ZFR: variants seen among roughly 807,000 people sequenced by gnomAD.
ZFR encodes the protein zinc finger RNA-binding protein.
ZFR carries 19 observed loss-of-function variants against 130.7 expected under a neutral mutation model. The observed-to-expected ratio is 0.15, with a 90% CI of 0.10 to 0.21. The LOEUF is 0.21. Among genes scored for constraint, ZFR ranks in the 10% least tolerant of loss-of-function variants. ZFR has a pLI of 1.00. For missense variants in ZFR, 872 were observed against 1,321.5 expected, an observed-to-expected ratio of 0.66 and a Z score of 5.27; for synonymous variants, 466 against 456.9, an observed-to-expected ratio of 1.02 and a Z score of -0.25.
At chr5:32,443,358 C>T (rs1213659742) in intron 2 of ZFR, among the ~76,000 whole-genome samples, 1 of 152,244 alleles carries the variant, frequency 6.6e-6, no homozygotes, top group Non-Finnish European at 1.5e-5. Context: ...GGGATTTCAT[C>T]CGGTGCATTA....
chr5:32,431,080 A>G (rs1581715664), intron 2 of ZFR, among the ~76,000 whole-genome samples: 1 of 152,234 alleles, frequency 6.6e-6, no homozygotes, highest in East Asian at 1.9e-4. Context: ...GTCTCAAAAA[A>G]CGAAAGCAAG....
Position 32,395,774 on chromosome 5 carries a change from G to A in ZFR, c.1834-470C>T, listed in dbSNP as rs968903007. Among the ~76,000 whole-genome samples, 5 of 151,922 alleles carry A rather than the reference G, an allele frequency of 3.3e-5. No homozygotes were observed. In the East Asian group the frequency reaches 7.7e-4, roughly 23 times the overall value. ...CCACTTAATGAATAGTAAATATTTT[G>A]ATTTTCATATTTTCTCAATAATATT... On this transcript the variant is annotated intron_variant, in intron 10 of 19. Transcript: ENST00000265069.
rs1554073349 is a variant in ZFR, at chr5:32,411,714, G to GGCGGGGA, written c.784+3254_784+3255insTCCCCGC. Among the ~76,000 whole-genome samples the GGCGGGGA allele has an allele frequency of 3.7e-5, 2 of 54,612 alleles. 1 individual carries two copies. The highest frequency in any genetic ancestry group is 6.7e-5 in the Non-Finnish European group (2 of 29,912). 35.8% of individuals were successfully genotyped at this position (54,612 alleles called of 152,430 possible). On this transcript the variant is annotated intron_variant, in intron 5 of 19. Transcript: ENST00000265069. ...AAAAAAAAAAAAAAAAATTGAGGGG[G>GGCGGGGA]GGCGGGGAATAGAAAATATAATACA...
intron 5 of ZFR, among the ~76,000 whole-genome samples, chr5:32,408,296 T>C (rs1003028782): frequency 2.1e-5 from 3 of 144,762 alleles, no homozygotes; most frequent in African/African-American, 7.7e-5. Flanking sequence ...CTGCTTCCTG[T>C]ATTGTGAACG....
intron 11 of ZFR, 28 bp downstream of exon 11, chr5:32,395,131 C>T (rs370711904): frequency 1.2e-5 from 19 of 1,560,120 alleles, no homozygotes; most frequent in Admixed American, 2.0e-5. Context: ...GAACCACTTA[C>T]CAGGCTATTA....
At chr5:32,405,673 C>T (rs547776227) in intron 6 of ZFR, among the ~76,000 whole-genome samples, 85 of 152,132 alleles carry the variant, frequency 5.6e-4, no homozygotes, top group Non-Finnish European at 1.1e-3. Flanking sequence ...ATACTAAGAC[C>T]GCCCATCATT....
rs542915758 is a variant in ZFR, at chr5:32,403,847, T to G, written c.1224+59A>C. Reference sequence around the variant, plus strand: ...GAAGTTACCTTTACCTAACCCCCTTTGAAAAAGTAAAAGATAACAGAATCA... The same window carrying G: ...GAAGTTACCTTTACCTAACCCCCTTGGAAAAAGTAAAAGATAACAGAATCA... On this transcript the variant is annotated intron_variant, in intron 7 of 19. Transcript: ENST00000265069. 5 of 1,470,810 alleles carry G rather than the reference T, an allele frequency of 3.4e-6. No homozygotes were observed. In the South Asian group the frequency reaches 6.4e-5, roughly 19 times the overall value. The allele number at this position is 1,470,810 out of a possible 1,614,324, so 91.1% of individuals were successfully genotyped here.
chr5:32,384,907 A>T (rs1298832414), intron 15 of ZFR, among the ~76,000 whole-genome samples: 1 of 152,106 alleles, frequency 6.6e-6, no homozygotes. Flanking sequence ...CTTAAGTGTG[A>T]TATTAGGGTC....
At chr5:32,430,168 T>C (rs1754172543) in intron 2 of ZFR, among the ~76,000 whole-genome samples, 1 of 151,126 alleles carries the variant, frequency 6.6e-6, no homozygotes, top group African/African-American at 2.4e-5. Flanking sequence ...AGAAAAAAAT[T>C]TTTTTGAGAC....
At chr5:32,371,510 GA>G (rs1416523178) in intron 17 of ZFR, among the ~76,000 whole-genome samples, 1 of 152,212 alleles carries the variant, frequency 6.6e-6, no homozygotes, top group East Asian at 1.9e-4. Context: ...GCTCTCCAGA[GA>G]TGAGGGTGGG....
chr5:32,381,665 C>T (rs1752939904), intron 15 of ZFR, among the ~76,000 whole-genome samples: 1 of 152,066 alleles, frequency 6.6e-6, no homozygotes, highest in Non-Finnish European at 1.5e-5. Flanking sequence ...GAGTAGATGA[C>T]ATATAAAAAA....
At chr5:32,387,928 T>C (rs1373887153) in intron 13 of ZFR, among the ~76,000 whole-genome samples, 1 of 151,786 alleles carries the variant, frequency 6.6e-6, no homozygotes, top group Non-Finnish European at 1.5e-5. Context: ...TGCAAAGCAA[T>C]GGACATTAAC....
intron 2 of ZFR, among the ~76,000 whole-genome samples, chr5:32,432,410 G>A (rs1397926374): frequency 6.6e-6 from 1 of 152,198 alleles, no homozygotes; most frequent in Non-Finnish European, 1.5e-5. Context: ...AGTCAGTGAT[G>A]TTGAGCGTCT....
chr5:32,428,963 GTCT>G (rs1287244434), intron 2 of ZFR, among the ~76,000 whole-genome samples: 1 of 139,610 alleles, frequency 7.2e-6, no homozygotes, highest in Non-Finnish European at 1.5e-5. Flanking sequence ...TTAGAAAAAA[GTCT>G]TCTTACATCT....
rs144335852 is a variant in ZFR, at chr5:32,403,296, C to T, written c.1326G>A (p.Pro442=). ...TSSTAVSASK[P]TASPSSIAAN... ...CTGCAATGCTTGAAGGAGAGGCAGT[C>T]GGCTTTGAAGCAGATACAGCTGTTG... The change falls in exon 8 of 20, where the codon CCG becomes CCA. Residue 442 remains proline (P), a synonymous_variant. Coordinates refer to ENST00000265069, the MANE Select transcript of ZFR (RefSeq NM_016107.5). 8.1e-6 allele frequency: 13 copies of T among 1,614,036 alleles called. No individual in the cohort carries two copies. The highest frequency in any genetic ancestry group is 8.0e-5 in the African/African-American group (6 of 74,914).
In ZFR at chr5:32,444,733, G is replaced by A. The variant is rs1391365882; in HGVS notation, c.-75C>T. On this transcript the variant is annotated 5_prime_UTR_variant, in exon 1 of 20. Transcript: ENST00000265069. ...TCCTCTGCCCCGCTCCTCCTCAGCG[G>A]AGAACAGACCGCCGCCTCCGACCGC... 5 of 1,484,870 alleles carry A rather than the reference G, an allele frequency of 3.4e-6. No homozygotes were observed. The African/African-American group carries it at 4.4e-5, about 13-fold the overall frequency. The allele number at this position is 1,484,870 out of a possible 1,614,324, so 92.0% of individuals were successfully genotyped here. A position where few individuals can be genotyped will look rare whatever the true frequency, so the allele number is the denominator to read the frequency against.
chr5:32,368,277 G>C (rs1183907326), intron 17 of ZFR, among the ~76,000 whole-genome samples: 3 of 152,174 alleles, frequency 2.0e-5, no homozygotes, highest in Non-Finnish European at 4.4e-5. Context: ...TTTCACTCTT[G>C]TTGTCCAGGC....
At chr5:32,419,711 G>A (rs1421271610) in intron 3 of ZFR, 110 bp downstream of exon 3, 1 of 1,481,720 alleles carries the variant, frequency 6.7e-7, no homozygotes, top group African/African-American at 1.4e-5. Flanking sequence ...ATCAGTACAT[G>A]TGTATTTTGG....
chr5:32,390,498 T>A (rs1753144094), intron 11 of ZFR, 61 bp from the exon 12 acceptor site: 5 of 1,473,130 alleles, frequency 3.4e-6, no homozygotes, highest in Admixed American at 3.7e-5. Flanking sequence ...AGAACTTGCA[T>A]CAATAGTGAC....
Sources: allele counts gnomAD v4.1 joint callset (sites outside exome capture counted in the v4.1 genomes callset), GRCh38; gene constraint gnomAD v4.1.1; transcripts MANE v1.5; gene names NCBI Gene and HGNC (gene_info 2026-07-23, HGNC 2026-07-21).